The following KCNIP4 variants were observed in gnomAD, a reference collection of about 807,000 sequenced individuals.
KCNIP4 encodes the protein Kv channel-interacting protein 4.
Under a neutral mutation model 34.0 loss-of-function variants are expected in KCNIP4, and 12 were observed. The ratio of observed to expected loss-of-function variants is 0.35; its 90% CI spans 0.23 to 0.57. The LOEUF (loss-of-function observed/expected upper bound fraction) is 0.57. KCNIP4 is among the 20% of genes least tolerant of loss of function. The pLI is 0.83. For synonymous variants in KCNIP4, 124 were observed against 102.2 expected (o/e 1.21, Z -1.29); for missense variants, 238 against 311.7 (o/e 0.76, Z 1.78).
chr4:21,776,300 G>A (rs1719173668), intron 1 of KCNIP4, among the ~76,000 whole-genome samples: 1 of 151,976 alleles, frequency 6.6e-6, no homozygotes, highest in Non-Finnish European at 1.5e-5. Flanking sequence ...GGATACCTTG[G>A]TTGCTGGTGA....
intron 1 of KCNIP4, among the ~76,000 whole-genome samples, chr4:21,482,872 T>A (rs13129942): frequency 0.12 from 18,989 of 151,938 alleles, 1,349 homozygotes; most frequent in South Asian, 0.21. Context: ...TTGCTAGATA[T>A]AATGTGGCAC....
chr4:21,131,620 C>A lies in KCNIP4; in HGVS notation c.62-248911G>T, dbSNP rs576229705. ...AGGAGACTCAGTCTCAAAACAAAAA[C>A]AAAAACAAAAACAAAAATAAAAACC... On this transcript the variant is annotated intron_variant, in intron 1 of 8. Transcript: ENST00000382152. 2.5e-4 allele frequency among the ~76,000 whole-genome samples: 38 copies of A among 152,030 alleles called. No individual in the cohort carries two copies. In the South Asian group the frequency reaches 7.7e-3, roughly 31 times the overall value.
intron 1 of KCNIP4, among the ~76,000 whole-genome samples, chr4:21,565,268 T>C (rs190284240): frequency 4.6e-5 from 7 of 152,268 alleles, no homozygotes; most frequent in Admixed American, 4.6e-4. Flanking sequence ...GCCGCTTTCT[T>C]ATTATATCTT....
intron 1 of KCNIP4, among the ~76,000 whole-genome samples, chr4:21,693,532 C>T (rs1711924539): frequency 6.6e-6 from 1 of 152,054 alleles, no homozygotes; most frequent in Non-Finnish European, 1.5e-5. Context: ...CACTGCACTC[C>T]AGCCTGGGTG....
intron 3 of KCNIP4, among the ~76,000 whole-genome samples, chr4:20,826,617 C>CAAAA (rs534973302): frequency 1.3e-5 from 2 of 151,494 alleles, no homozygotes; most frequent in Non-Finnish European, 2.9e-5. Flanking sequence ...AACAAACAAA[C>CAAAA]AAAAATACAA....
chr4:21,775,446 G>T (rs1287944792), intron 1 of KCNIP4, among the ~76,000 whole-genome samples: 1 of 152,152 alleles, frequency 6.6e-6, no homozygotes, highest in Admixed American at 6.5e-5. Context: ...CAGCTGAGTG[G>T]CACAAGGAGC....
At chr4:21,326,313 C>A (rs144756707) in intron 1 of KCNIP4, among the ~76,000 whole-genome samples, 2 of 150,646 alleles carry the variant, frequency 1.3e-5, no homozygotes, top group Admixed American at 1.3e-4. Flanking sequence ...TATACATATA[C>A]GCACACATAT....
At chr4:21,269,761 G>A (rs1762029983) in intron 1 of KCNIP4, among the ~76,000 whole-genome samples, 2 of 152,092 alleles carry the variant, frequency 1.3e-5, no homozygotes, top group Non-Finnish European at 2.9e-5. Flanking sequence ...AAATTTACAG[G>A]AAGAGAAGAA....
At chr4:21,616,448 T>C (rs1159072001) in intron 1 of KCNIP4, among the ~76,000 whole-genome samples, 1 of 152,222 alleles carries the variant, frequency 6.6e-6, no homozygotes, top group African/African-American at 2.4e-5. Context: ...TACCAATGTG[T>C]TGCAATTGTC....
At chr4:21,349,000 T>G (rs999824449) in intron 1 of KCNIP4, among the ~76,000 whole-genome samples, 2 of 152,162 alleles carry the variant, frequency 1.3e-5, no homozygotes, top group South Asian at 2.1e-4. Context: ...AATTACTTTG[T>G]GGTGGGAATA....
chr4:21,580,046 A>G (rs541149885), intron 1 of KCNIP4, among the ~76,000 whole-genome samples: 1 of 152,282 alleles, frequency 6.6e-6, no homozygotes. Flanking sequence ...ATGTGTTGAA[A>G]TAAAACATAT....
At chr4:20,782,588 C>T (rs1365144465) in intron 3 of KCNIP4, among the ~76,000 whole-genome samples, 1 of 152,170 alleles carries the variant, frequency 6.6e-6, no homozygotes, top group Non-Finnish European at 1.5e-5. Flanking sequence ...TCTACATTGG[C>T]CCTTTCAGCC....
At position 21,291,813 on chromosome 4, in the gene KCNIP4, C is replaced by T. The variant is rs148081131; in HGVS notation, c.62-409104G>A. Among the ~76,000 whole-genome samples, 141 of 143,302 alleles carry T rather than the reference C, an allele frequency of 9.8e-4. 1 individual carries two copies. Among genetic ancestry groups the T allele is most frequent in the Admixed American group, 6.9e-3 (96 of 13,846 alleles). 94.0% of individuals were successfully genotyped at this position (143,302 alleles called of 152,430 possible). A position where few individuals can be genotyped will look rare whatever the true frequency, so the allele number is the denominator to read the frequency against. On this transcript the variant is annotated intron_variant, in intron 1 of 8. Coordinates refer to ENST00000382152, the MANE Select transcript of KCNIP4 (RefSeq NM_025221.6). ...AGGTTGCAGTGAGTCAAGATCGCGC[C>T]GCTGCACTCCAGCCTGGGCGACAGA...
intron 1 of KCNIP4, among the ~76,000 whole-genome samples, chr4:21,597,197 C>T (rs1229657616): frequency 6.6e-6 from 1 of 151,902 alleles, no homozygotes; most frequent in Non-Finnish European, 1.5e-5. Context: ...GGGTCGTTTC[C>T]CCCATACTGT....
At chr4:20,806,974 T>TTTGAAA (rs945833695) in intron 3 of KCNIP4, among the ~76,000 whole-genome samples, 4 of 152,108 alleles carry the variant, frequency 2.6e-5, no homozygotes, top group Non-Finnish European at 4.4e-5. Flanking sequence ...ATTCTGCTGT[T>TTTGAAA]TTGCTGAAAT....
At chr4:21,624,252 C>A (rs974308770) in intron 1 of KCNIP4, among the ~76,000 whole-genome samples, 1 of 152,086 alleles carries the variant, frequency 6.6e-6, no homozygotes, top group Non-Finnish European at 1.5e-5. Context: ...GCTCATAGGG[C>A]TTTTGTGGGA....
At chr4:20,732,183 TG>T in intron 7 of KCNIP4, 115 bp from the exon 8 acceptor site, 1 of 708,824 alleles carries the variant, frequency 1.4e-6, no homozygotes, top group Admixed American at 2.7e-5. Context: ...TTATTTCACG[TG>T]GAGGAACTGT....
chr4:20,990,067 C>G (rs1047243165), intron 1 of KCNIP4, among the ~76,000 whole-genome samples: 1 of 152,164 alleles, frequency 6.6e-6, no homozygotes, highest in Non-Finnish European at 1.5e-5. Context: ...GTGAAAGATG[C>G]CACTTAACAT....
At chr4:21,105,839 A>C (rs1748467908) in intron 1 of KCNIP4, among the ~76,000 whole-genome samples, 1 of 151,564 alleles carries the variant, frequency 6.6e-6, no homozygotes, top group Non-Finnish European at 1.5e-5. Context: ...CCTTTTCTGC[A>C]TCTATTGAGA....
Sources: gnomAD v4.1 joint callset for allele counts (sites outside exome capture counted in the v4.1 genomes callset) on GRCh38, gnomAD v4.1.1 for gene constraint, MANE v1.5 for transcripts, NCBI Gene and HGNC (gene_info 2026-07-23, HGNC 2026-07-21) for gene names.